The following PCDHA3 variants were observed in gnomAD, a reference collection of about 807,000 sequenced individuals.
PCDHA3 encodes protocadherin alpha 3.
In PCDHA3, 41 loss-of-function variants were observed where a neutral mutation model predicts 62.2. That is an observed-to-expected ratio of 0.66 (90% CI 0.51 to 0.86). The LOEUF (loss-of-function observed/expected upper bound fraction) is 0.86. PCDHA3 is among the 40% of genes least tolerant of loss of function. PCDHA3 has a pLI of 0.00. For synonymous variants in PCDHA3, 640 were observed against 555.4 expected, an observed-to-expected ratio of 1.15 and a Z score of -2.14; for missense variants, 1,304 against 1,241.2, an observed-to-expected ratio of 1.05 and a Z score of -0.76.
rs1762832001 is a variant in PCDHA3 at position 140,802,030 on chromosome 5, C to T, written c.833C>T (p.Ala278Val). The T allele has an allele frequency of 1.9e-6, 3 of 1,614,150 alleles. No homozygotes were observed. Among genetic ancestry groups the T allele is most frequent in the Admixed American group, 1.7e-5 (1 of 60,030 alleles). ...DLDEGVNKDI[A>V]YSFNTDMSAD... ...GATGAAGGAGTAAATAAGGATATCG[C>T]GTATTCTTTCAATACGGACATGTCA... The change falls in exon 1 of 4, where the codon GCG (alanine) becomes GTG (valine). Residue 278 changes from alanine to valine, a missense_variant. Physicochemically the swap from Ala to Val is moderately conservative, Grantham distance 64 (BLOSUM62 0). Coordinates refer to ENST00000522353, the MANE Select transcript of PCDHA3 (RefSeq NM_018906.3).
intron 1 of PCDHA3, chr5:140,926,720 T>C (rs2083499438): frequency 2.0e-6 from 2 of 1,002,404 alleles, no homozygotes; most frequent in Non-Finnish European, 2.7e-6. Flanking sequence ...GCCCCGGCAA[T>C]GCCGGCGTTC....
chr5:140,823,485 T>C, intron 1 of PCDHA3: 1 of 1,613,360 alleles, frequency 6.2e-7, no homozygotes, highest in South Asian at 1.1e-5. Flanking sequence ...CTCGAGTGGG[T>C]GGCACCGGCG....
At chr5:140,805,068 C>T in intron 1 of PCDHA3, 1 of 1,593,038 alleles carries the variant, frequency 6.3e-7, no homozygotes, top group Non-Finnish European at 8.5e-7. Context: ...AGATATGGAA[C>T]TTCAATCTTC....
At chr5:140,996,302 CAA>C (rs2097720989) in intron 3 of PCDHA3, among the ~76,000 whole-genome samples, 1 of 152,274 alleles carries the variant, frequency 6.6e-6, no homozygotes, top group Non-Finnish European at 1.5e-5. Flanking sequence ...CAGATTGTAA[CAA>C]AGTAAGGGGG....
Position 140,843,523 on chromosome 5 carries a change from G to A in PCDHA3, c.2394+39932G>A, listed in dbSNP as rs200202372. ...TGCCCACTGAGGGCGGGTGCCGGGCGGGCAAGCCCACTCTGGTGTGCTCCA... is the reference window on the plus strand; with the variant it reads ...TGCCCACTGAGGGCGGGTGCCGGGCAGGCAAGCCCACTCTGGTGTGCTCCA... On this transcript the variant is annotated intron_variant, in intron 1 of 3. Coordinates refer to ENST00000522353, the MANE Select transcript of PCDHA3 (RefSeq NM_018906.3). 1.7e-4 allele frequency: 278 copies of A among 1,595,788 alleles called. 33 individuals carry two copies. The highest frequency in any genetic ancestry group is 2.3e-4 in the Non-Finnish European group (265 of 1,165,554).
chr5:140,868,098 A>G (rs972281563), intron 1 of PCDHA3: 22 of 152,120 alleles, frequency 1.4e-4, no homozygotes, highest in Admixed American at 1.0e-3. Context: ...AATGATAATA[A>G]AATTTATTTT....
chr5:140,821,976 C>T, intron 1 of PCDHA3: 1 of 1,614,196 alleles, frequency 6.2e-7, no homozygotes, highest in Non-Finnish European at 8.5e-7. Context: ...GGGTGGCGTC[C>T]AAGGGCCGCG....
chr5:140,825,455 AT>A (rs1326484849), intron 1 of PCDHA3: 1 of 148,934 alleles, frequency 6.7e-6, no homozygotes, highest in East Asian at 1.9e-4. Flanking sequence ...TATATCAGAT[AT>A]TTTGATACAG....
intron 1 of PCDHA3, among the ~76,000 whole-genome samples, chr5:140,924,539 C>T (rs1554201995): frequency 6.6e-6 from 1 of 152,050 alleles, no homozygotes; most frequent in African/African-American, 2.4e-5. Flanking sequence ...CCGAGCTACC[C>T]CTCTCCCCAC....
intron 1 of PCDHA3, chr5:140,854,321 C>A: frequency 3.7e-6 from 1 of 267,696 alleles, no homozygotes; most frequent in Non-Finnish European, 5.7e-6. Context: ...TGATCAATGG[C>A]AAACTTATTT....
At chr5:140,835,793 G>T in intron 1 of PCDHA3, 1 of 1,613,102 alleles carries the variant, frequency 6.2e-7, no homozygotes, top group Non-Finnish European at 8.5e-7. Flanking sequence ...ACAACCCGCC[G>T]GGCTGCCACA....
intron 1 of PCDHA3, among the ~76,000 whole-genome samples, chr5:140,901,565 G>A (rs1554189898): frequency 6.6e-6 from 1 of 152,062 alleles, no homozygotes; most frequent in African/African-American, 2.4e-5. Context: ...CTATGTGTCT[G>A]TTTTTATGCC....
intron 1 of PCDHA3, chr5:140,870,359 C>T (rs781862161): frequency 2.5e-6 from 4 of 1,614,204 alleles, no homozygotes; most frequent in Middle Eastern, 1.6e-4. Context: ...AACGTGTGGG[C>T]CTATGAACTG....
chr5:140,822,804 T>A (rs2150119466), intron 1 of PCDHA3: 1 of 1,614,204 alleles, frequency 6.2e-7, no homozygotes, highest in South Asian at 1.1e-5. Context: ...TGGATGTGAA[T>A]GATAATACCC....
At chr5:140,946,540 T>G (rs1182532418) in intron 1 of PCDHA3, among the ~76,000 whole-genome samples, 1 of 150,344 alleles carries the variant, frequency 6.7e-6, no homozygotes, top group African/African-American at 2.5e-5. Context: ...CATTGCAGCA[T>G]TATTCATGAT....
Position 140,801,288 on chromosome 5 carries a change from C to A in PCDHA3, c.91C>A (p.Leu31Ile). ...LAASEVGSGQ[L>I]HYSVSEEAKH... ...AGCCTCGGAGGTGGGGAGCGGCCAG[C>A]TCCACTACTCCGTCTCTGAGGAGGC... is the stretch of plus-strand genomic sequence containing the variant. Residue 31 changes from leucine to isoleucine, a missense_variant, in exon 1 of 4, where the codon CTC (leucine) becomes ATC (isoleucine). Transcript: ENST00000522353. The A allele has an allele frequency of 6.2e-7, 1 of 1,613,524 alleles. No individual in the cohort carries two copies. Among genetic ancestry groups the A allele is most frequent in the Non-Finnish European group, 8.5e-7 (1 of 1,179,914 alleles).
chr5:140,828,276 G>A (rs2150153517), intron 1 of PCDHA3: 50 of 1,613,972 alleles, frequency 3.1e-5, no homozygotes, highest in Non-Finnish European at 3.7e-5. Flanking sequence ...CTGGTGCCGC[G>A]CCTGTTCAGG....
At chr5:140,871,804 T>C (rs538101432) in intron 1 of PCDHA3, among the ~76,000 whole-genome samples, 75 of 152,364 alleles carry the variant, frequency 4.9e-4, no homozygotes, top group Non-Finnish European at 7.9e-4. Flanking sequence ...ATTACTATTT[T>C]CACTAAAGTA....
At chr5:140,871,074 G>A (rs1210767724) in intron 1 of PCDHA3, 1 of 1,613,096 alleles carries the variant, frequency 6.2e-7, no homozygotes, top group African/African-American at 1.3e-5. Context: ...GTGAGCCGGC[G>A]CTGACGGCCA....
Sources: allele counts gnomAD v4.1 joint callset (sites outside exome capture counted in the v4.1 genomes callset), GRCh38; gene constraint gnomAD v4.1.1; transcripts MANE v1.5; gene names NCBI Gene and HGNC (gene_info 2026-07-23, HGNC 2026-07-21).